Variants in PLPP3 observed in about 807,000 individuals in gnomAD.
The protein encoded by PLPP3 is PAP2 beta.
Under a neutral mutation model 29.6 loss-of-function variants are expected in PLPP3, and 6 were observed. The observed-to-expected ratio is 0.20, with a 90% CI of 0.11 to 0.40. The LOEUF is 0.40. PLPP3 is among the 10% of genes least tolerant of loss of function. The probability of loss-of-function intolerance (pLI) is 1.00; values close to 1 mark genes in which losing one functional copy is unlikely to be tolerated. For synonymous variants in PLPP3, 152 were observed against 159.7 expected (o/e 0.95, Z 0.36); for missense variants, 308 against 407.7 (o/e 0.76, Z 2.11).
chr1:56,539,257 T>C (rs1261115308), intron 1 of PLPP3, among the ~76,000 whole-genome samples: 2 of 152,162 alleles, frequency 1.3e-5, no homozygotes, highest in Admixed American at 6.5e-5. Context: ...ATTTTTCATG[T>C]TTTTCAAAAA....
chr1:56,510,508 C>T (rs532294010), intron 5 of PLPP3, among the ~76,000 whole-genome samples: 17 of 152,338 alleles, frequency 1.1e-4, no homozygotes, highest in African/African-American at 3.1e-4. Flanking sequence ...ACTCCTTCTC[C>T]CTCTTCTTGA....
At chr1:56,527,570 AGG>A (rs1289542993) in intron 2 of PLPP3, among the ~76,000 whole-genome samples, 4 of 152,152 alleles carry the variant, frequency 2.6e-5, no homozygotes, top group Non-Finnish European at 5.9e-5. Flanking sequence ...TTTTAAGGAG[AGG>A]GCCAGGCTGA....
At chr1:56,551,294 C>T (rs55794494) in intron 1 of PLPP3, among the ~76,000 whole-genome samples, 35,219 of 133,014 alleles carry the variant, frequency 0.26, 5,271 homozygotes, top group South Asian at 0.34. Context: ...TGGTTTGGTT[C>T]GGTTCGGTTC....
intron 5 of PLPP3, among the ~76,000 whole-genome samples, chr1:56,505,910 G>T (rs756438299): frequency 6.6e-6 from 1 of 152,182 alleles, no homozygotes; most frequent in Non-Finnish European, 1.5e-5. Flanking sequence ...GTACTACAAA[G>T]ATAGTGTCGT....
At chr1:56,557,018 GAGAGAGAA>G (rs1202040568) in intron 1 of PLPP3, among the ~76,000 whole-genome samples, 1 of 13,796 alleles carries the variant, frequency 7.2e-5, no homozygotes, top group African/African-American at 2.1e-4. Context: ...AAGAGAGAGA[GAGAGAGAA>G]AGAGAGAGAG....
At chr1:56,567,554 C>A (rs1247446714) in intron 1 of PLPP3, among the ~76,000 whole-genome samples, 1 of 152,012 alleles carries the variant, frequency 6.6e-6, no homozygotes, top group African/African-American at 2.4e-5. Flanking sequence ...CCCGCCACCA[C>A]ACCTGGCTAA....
chr1:56,555,377 G>GGT (rs1646067812), intron 1 of PLPP3, among the ~76,000 whole-genome samples: 2 of 144,300 alleles, frequency 1.4e-5, no homozygotes, highest in Admixed American at 7.1e-5. Context: ...TGCCTGTTGG[G>GGT]GTGTGTGTGT....
chr1:56,559,502 T>G (rs1348832321), intron 1 of PLPP3, among the ~76,000 whole-genome samples: 2 of 151,664 alleles, frequency 1.3e-5, no homozygotes, highest in Non-Finnish European at 2.9e-5. Flanking sequence ...TCCTCCCACC[T>G]CGGCCTCCCA....
intron 1 of PLPP3, among the ~76,000 whole-genome samples, chr1:56,543,345 G>T (rs1645982668): frequency 6.6e-6 from 1 of 152,160 alleles, no homozygotes; most frequent in Non-Finnish European, 1.5e-5. Context: ...CTGGTACAAG[G>T]TCCTCAAGTG....
intron 2 of PLPP3, among the ~76,000 whole-genome samples, chr1:56,530,463 C>A: frequency 6.6e-6 from 1 of 152,320 alleles, no homozygotes; most frequent in Non-Finnish European, 1.5e-5. Context: ...TAAGGTCACA[C>A]CCATTCCCAC....
chr1:56,556,245 G>A lies in PLPP3; in HGVS notation c.140-19133C>T, dbSNP rs181696493. Among the ~76,000 whole-genome samples, 43 of 152,266 alleles carry A rather than the reference G, an allele frequency of 2.8e-4. 1 individual carries two copies. The highest frequency in any genetic ancestry group is 1.4e-3 in the East Asian group (7 of 5,180). On this transcript the variant is annotated intron_variant, in intron 1 of 5. Coordinates refer to ENST00000371250, the MANE Select transcript of PLPP3 (RefSeq NM_003713.5). ...GAGGTTAAAGTGAGGGCATTAGGGC[G>A]GGCTGTAACCCCATATGACTGGTGT... is the stretch of plus-strand genomic sequence containing the variant.
chr1:56,554,478 A>T (rs1293134782), intron 1 of PLPP3, among the ~76,000 whole-genome samples: 1 of 151,734 alleles, frequency 6.6e-6, no homozygotes, highest in African/African-American at 2.4e-5. Context: ...AGGCTGAGGC[A>T]GGAGAATGGC....
intron 1 of PLPP3, among the ~76,000 whole-genome samples, chr1:56,557,026 A>AAAGAAAGAGAGAGAG (rs1553139342): frequency 1.0e-4 from 1 of 9,524 alleles, no homozygotes; most frequent in African/African-American, 2.5e-4. Context: ...GAGAGAGAGA[A>AAAGAAAGAGAGAGAG]AGAGAGAGAG....
At chr1:56,525,963 G>A (rs1557503597) in intron 2 of PLPP3, among the ~76,000 whole-genome samples, 1 of 152,162 alleles carries the variant, frequency 6.6e-6, no homozygotes, top group East Asian at 1.9e-4. Context: ...TGGGCCCAGG[G>A]ACAAACAGGT....
chr1:56,536,938 A>G lies in PLPP3; in HGVS notation c.297+17T>C, dbSNP rs1336727428. The G allele has an allele frequency of 4.3e-6, 7 of 1,613,300 alleles. No homozygotes were observed. Among genetic ancestry groups the G allele is most frequent in the Non-Finnish European group, 5.9e-6 (7 of 1,179,462 alleles). On this transcript the variant is annotated intron_variant, in intron 2 of 5. Transcript: ENST00000371250. ...GAAGTCAGACAGGATCCACCATAGC[A>G]GAGTCTGGACACTTACCGCGAGGAT...
At chr1:56,537,255 T>A in intron 1 of PLPP3, 143 bp from the exon 2 acceptor site, 2 of 965,934 alleles carry the variant, frequency 2.1e-6, no homozygotes, top group Non-Finnish European at 3.0e-6. Context: ...TTTGTAGAGA[T>A]CTACTGCCTA....
intron 2 of PLPP3, among the ~76,000 whole-genome samples, chr1:56,533,642 G>A (rs544584687): frequency 7.2e-5 from 11 of 152,252 alleles, no homozygotes; most frequent in African/African-American, 2.4e-4. Context: ...TAAAAGCCAC[G>A]CTGTAAACTG....
At chr1:56,500,033 C>A (rs542224094) in intron 5 of PLPP3, among the ~76,000 whole-genome samples, 4 of 152,316 alleles carry the variant, frequency 2.6e-5, no homozygotes, top group African/African-American at 7.2e-5. Context: ...AAAAACTATA[C>A]CCTAAGCACA....
At chr1:56,567,146 G>A (rs12096715) in intron 1 of PLPP3, among the ~76,000 whole-genome samples, 5,716 of 152,178 alleles carry the variant, frequency 0.038, 379 homozygotes, top group African/African-American at 0.13. Context: ...TTGTGGAAGT[G>A]CTACTCAGTG....
Sources: gnomAD v4.1 joint callset for allele counts (sites outside exome capture counted in the v4.1 genomes callset) on GRCh38, gnomAD v4.1.1 for gene constraint, MANE v1.5 for transcripts, NCBI Gene and HGNC (gene_info 2026-07-23, HGNC 2026-07-21) for gene names.